FLT3: variants seen among roughly 807,000 people sequenced by gnomAD.
FLT3 encodes the protein fms related receptor tyrosine kinase 3.
Under a neutral mutation model 126.6 loss-of-function variants are expected in FLT3, and 46 were observed. The ratio of observed to expected loss-of-function variants is 0.36; its 90% confidence interval spans 0.29 to 0.46. The LOEUF is 0.46. FLT3 is among the 20% of genes least tolerant of loss of function. The probability of loss-of-function intolerance (pLI) is 1.00; values close to 1 mark genes in which losing one functional copy is unlikely to be tolerated. For synonymous variants in FLT3, 404 were observed against 434.4 expected, an observed-to-expected ratio of 0.93 and a Z score of 0.87; for missense variants, 1,069 against 1,190.3, an observed-to-expected ratio of 0.90 and a Z score of 1.50.
chr13:28,018,735 G>A, intron 19 of FLT3, 146 bp from the exon 20 acceptor site: 1 of 775,794 alleles, frequency 1.3e-6, no homozygotes, highest in Non-Finnish European at 2.1e-6. Flanking sequence ...CGGCCATGAT[G>A]ATGTGCAACA....
chr13:28,094,647 G>A (rs866937605), intron 1 of FLT3, among the ~76,000 whole-genome samples: 1 of 152,236 alleles, frequency 6.6e-6, no homozygotes, highest in African/African-American at 2.4e-5. Context: ...CTACAGGCAT[G>A]TGCCTCTACG....
At chr13:28,013,044 T>C (rs1871534795) in intron 23 of FLT3, among the ~76,000 whole-genome samples, 1 of 152,226 alleles carries the variant, frequency 6.6e-6, no homozygotes, top group South Asian at 2.1e-4. Flanking sequence ...GTTTACCTTA[T>C]GGTGTCATGA....
intron 23 of FLT3, among the ~76,000 whole-genome samples, chr13:28,011,866 C>T (rs563790434): frequency 3.3e-5 from 5 of 151,638 alleles, no homozygotes; most frequent in South Asian, 2.1e-4. Context: ...GGTGCCATCT[C>T]GGCTCACTGC....
intron 21 of FLT3, 85 bp from the exon 22 acceptor site, chr13:28,015,341 C>T: frequency 2.1e-6 from 2 of 953,720 alleles, no homozygotes; most frequent in East Asian, 2.6e-5. Flanking sequence ...GTATTGAGAT[C>T]TGCCATGTGC....
At chr13:28,078,764 A>G (rs1418066025) in intron 1 of FLT3, among the ~76,000 whole-genome samples, 1 of 147,654 alleles carries the variant, frequency 6.8e-6, no homozygotes, top group Non-Finnish European at 1.5e-5. Flanking sequence ...CCCAGGCTGG[A>G]GTACAGTGGC....
intron 1 of FLT3, among the ~76,000 whole-genome samples, chr13:28,071,956 T>C (rs913271458): frequency 2.0e-5 from 3 of 152,008 alleles, no homozygotes; most frequent in Admixed American, 6.6e-5. Context: ...ATGATAGGTG[T>C]GAGCCACTAC....
intron 23 of FLT3, among the ~76,000 whole-genome samples, chr13:28,010,880 G>A (rs1871293944): frequency 6.6e-6 from 1 of 151,966 alleles, no homozygotes; most frequent in African/African-American, 2.4e-5. Flanking sequence ...GCAGATGCCT[G>A]TAATCCCAGC....
chr13:28,037,229 T>C lies in FLT3; in HGVS notation c.1265A>G (p.Asn422Ser). 1.2e-6 allele frequency: 2 copies of C among 1,611,826 alleles called. No individual in the cohort carries two copies. The highest frequency in any genetic ancestry group is 1.1e-5 in the South Asian group (1 of 91,012). The change falls in exon 10 of 24, where the codon AAT becomes AGT. Residue 422 changes from asparagine (N) to serine (S), a missense_variant. Asn to Ser is a conservative substitution (Grantham distance 46). Coordinates refer to ENST00000241453, the MANE Select transcript of FLT3 (RefSeq NM_004119.3). Reference sequence around the variant, plus strand: ...CATTTTGGTAAATTGGGCATCATCATTTTCTGCATGGAATATATATTCTCC... The same window carrying C: ...CATTTTGGTAAATTGGGCATCATCACTTTCTGCATGGAATATATATTCTCC... The part of the protein sequence containing the change: ...QPGEYIFHAE[N>S]DDAQFTKMFT...
chr13:28,029,580 C>T (rs531716297), intron 15 of FLT3, among the ~76,000 whole-genome samples: 1 of 152,098 alleles, frequency 6.6e-6, no homozygotes, highest in Non-Finnish European at 1.5e-5. Context: ...AAGGGAGAAA[C>T]GTCCTTTTTG....
At chr13:28,029,930 T>C (rs1439429055) in intron 15 of FLT3, among the ~76,000 whole-genome samples, 1 of 152,194 alleles carries the variant, frequency 6.6e-6, no homozygotes, top group Non-Finnish European at 1.5e-5. Flanking sequence ...GCTCCCGTCA[T>C]TGCGGCTCAT....
chr13:28,008,275 C>CAAAAA (rs11409962), intron 23 of FLT3, among the ~76,000 whole-genome samples: 1 of 87,106 alleles, frequency 1.1e-5, no homozygotes, highest in Non-Finnish European at 2.1e-5. Flanking sequence ...GAACCTGTCT[C>CAAAAA]AAAAAAAAAA....
chr13:28,020,572 CTT>C (rs1048927075), intron 19 of FLT3, among the ~76,000 whole-genome samples: 1 of 152,126 alleles, frequency 6.6e-6, no homozygotes, highest in African/African-American at 2.4e-5. Context: ...GTCTTGAACT[CTT>C]GGCCTCAAGC....
At chr13:28,084,470 T>C (rs1218854459) in intron 1 of FLT3, among the ~76,000 whole-genome samples, 3 of 152,156 alleles carry the variant, frequency 2.0e-5, no homozygotes, top group African/African-American at 7.2e-5. Context: ...TTCTCCCACC[T>C]CAGCCTCCTG....
chr13:28,061,927 C>T lies in FLT3; in HGVS notation c.308G>A (p.Cys103Tyr). ...GGAGCTGTGCTTAAAGACCCAGAGA[C>T]AGGAAATGTTCCCTGGGGCGTCGAC... ...VLVDAPGNISCLWVFKHSSLN... is the reference protein window; with the variant it reads ...VLVDAPGNISYLWVFKHSSLN... The change falls in exon 3 of 24, where the codon TGT (cysteine) becomes TAT (tyrosine). Residue 103 changes from cysteine to tyrosine, a missense_variant. By Grantham distance (194) the Cys-to-Tyr change is radical. Coordinates refer to ENST00000241453, the MANE Select transcript of FLT3 (RefSeq NM_004119.3). 1.2e-6 allele frequency: 2 copies of T among 1,614,022 alleles called. No individual in the cohort carries two copies. The highest frequency in any genetic ancestry group is 1.7e-6 in the Non-Finnish European group (2 of 1,179,926).
At chr13:28,070,651 A>T in intron 1 of FLT3, 39 bp from the exon 2 acceptor site, 1 of 1,502,174 alleles carries the variant, frequency 6.7e-7, no homozygotes, top group Non-Finnish European at 9.1e-7. Flanking sequence ...TGATACATGC[A>T]CACCTTAAAA....
chr13:28,017,938 A>G (rs1461962221), intron 20 of FLT3, among the ~76,000 whole-genome samples: 2 of 152,198 alleles, frequency 1.3e-5, no homozygotes, highest in South Asian at 2.1e-4. Context: ...TGCTGGGATT[A>G]CAGGCATGAG....
intron 1 of FLT3, among the ~76,000 whole-genome samples, chr13:28,076,854 G>A (rs1370599806): frequency 6.6e-6 from 1 of 151,988 alleles, no homozygotes; most frequent in African/African-American, 2.4e-5. Context: ...CTCAACCCAG[G>A]GAGGTCAAGG....
chr13:28,057,564 C>T (rs1021428705), intron 3 of FLT3, 102 bp from the exon 4 acceptor site: 6 of 670,932 alleles, frequency 8.9e-6, no homozygotes, highest in East Asian at 2.7e-5. Context: ...CAGCGTTCCC[C>T]GACTGGCACG....
intron 10 of FLT3, among the ~76,000 whole-genome samples, chr13:28,036,450 C>T (rs898758445): frequency 6.6e-6 from 1 of 152,172 alleles, no homozygotes; most frequent in African/African-American, 2.4e-5. Context: ...GTACAGACCT[C>T]CACCTGTTTG....
Sources: allele counts gnomAD v4.1 joint callset (sites outside exome capture counted in the v4.1 genomes callset), GRCh38; gene constraint gnomAD v4.1.1; transcripts MANE v1.5; gene names NCBI Gene and HGNC (gene_info 2026-07-23, HGNC 2026-07-21).